DPP6: variants seen among roughly 807,000 people sequenced by gnomAD.
DPP6 encodes the protein A-type potassium channel modulatory protein DPP6.
DPP6 carries 69 observed loss-of-function variants against 122.6 expected under a neutral mutation model. The observed-to-expected ratio is 0.56, with a 90% CI of 0.46 to 0.69. The LOEUF (loss-of-function observed/expected upper bound fraction) is 0.69. Ranked by LOEUF, DPP6 falls within the 30% of genes least tolerant of loss-of-function variation. The pLI is 0.00. For missense variants in DPP6, 928 were observed against 1,116.9 expected, an observed-to-expected ratio of 0.83 and a Z score of 2.41; for synonymous variants, 418 against 433.1, an observed-to-expected ratio of 0.97 and a Z score of 0.43.
chr7:154,581,415 C>T (rs1329504752), intron 5 of DPP6, among the ~76,000 whole-genome samples: 1 of 152,124 alleles, frequency 6.6e-6, no homozygotes, highest in East Asian at 1.9e-4. Context: ...CTGCCATGGT[C>T]CTCCCCCACT....
At chr7:153,945,970 G>C (rs943340777) in intron 1 of DPP6, among the ~76,000 whole-genome samples, 1 of 152,160 alleles carries the variant, frequency 6.6e-6, no homozygotes, top group Non-Finnish European at 1.5e-5. Flanking sequence ...ACCTTCTGAG[G>C]GTTCATGAAA....
chr7:154,554,756 A>T (rs780472017), intron 4 of DPP6, among the ~76,000 whole-genome samples: 6 of 152,218 alleles, frequency 3.9e-5, no homozygotes, highest in Non-Finnish European at 8.8e-5. Flanking sequence ...TAAGTATAAA[A>T]GTTATGAGCA....
intron 1 of DPP6, among the ~76,000 whole-genome samples, chr7:154,180,929 G>T (rs1798052156): frequency 6.6e-6 from 1 of 152,116 alleles, no homozygotes; most frequent in East Asian, 1.9e-4. Context: ...GCTTTTCTTG[G>T]TCTTTAGCCT....
intron 5 of DPP6, among the ~76,000 whole-genome samples, chr7:154,637,504 G>A (rs760293961): frequency 2.0e-5 from 3 of 152,158 alleles, no homozygotes; most frequent in African/African-American, 7.2e-5. Context: ...GGTCTCCAAT[G>A]ACCAAGGTGT....
At chr7:154,245,153 A>C (rs970197601) in intron 1 of DPP6, among the ~76,000 whole-genome samples, 1 of 151,218 alleles carries the variant, frequency 6.6e-6, no homozygotes, top group Non-Finnish European at 1.5e-5. Context: ...GGGTTTCAAC[A>C]TGTTGGCCAG....
At chr7:153,763,071 G>C in the DPP6 span, among the ~76,000 whole-genome samples, 1 of 152,174 alleles carries the variant, frequency 6.6e-6, no homozygotes, top group Admixed American at 6.5e-5. Flanking sequence ...AAGGCGGAGA[G>C]CAGCAGAGAT....
In DPP6 at chr7:154,015,276, C is replaced by T. The variant is rs181668100; in HGVS notation, c.51+127542C>T. Among the ~76,000 whole-genome samples the T allele has an allele frequency of 1.9e-3, 283 of 152,180 alleles. 2 individuals carry two copies. Among genetic ancestry groups the T allele is most frequent in the East Asian group, 2.5e-3 (13 of 5,158 alleles). ...CTATCCACTCCTTTTTCCATGTCCT[C>T]GACCGGTTCTGTCTTCCCGCGTGAC... is the stretch of plus-strand genomic sequence containing the variant. On this transcript the variant is annotated intron_variant, in intron 1 of 25. Transcript: ENST00000404039.
At chr7:154,633,174 CTT>C in intron 5 of DPP6, among the ~76,000 whole-genome samples, 1 of 152,100 alleles carries the variant, frequency 6.6e-6, no homozygotes, top group Non-Finnish European at 1.5e-5. Context: ...AATTTCCAAT[CTT>C]TGTATTTTTT....
chr7:153,797,872 C>T, the DPP6 span, among the ~76,000 whole-genome samples: 7 of 152,134 alleles, frequency 4.6e-5, no homozygotes, highest in South Asian at 2.1e-4. Flanking sequence ...AATGGAGTCT[C>T]GCTCTGTCGC....
chr7:154,443,734 G>A (rs998601418), intron 1 of DPP6, among the ~76,000 whole-genome samples: 5 of 152,148 alleles, frequency 3.3e-5, no homozygotes, highest in African/African-American at 1.2e-4. Context: ...ATGGATGGAT[G>A]GATGTGGATC....
intron 1 of DPP6, among the ~76,000 whole-genome samples, chr7:154,435,604 T>A (rs943133180): frequency 6.6e-6 from 1 of 152,222 alleles, no homozygotes; most frequent in African/African-American, 2.4e-5. Flanking sequence ...GGCTCCTGGA[T>A]GATTATTGAC....
At chr7:153,762,506 C>A in the DPP6 span, among the ~76,000 whole-genome samples, 3 of 152,014 alleles carry the variant, frequency 2.0e-5, no homozygotes, top group Non-Finnish European at 4.4e-5. Context: ...CGCGGTGGCT[C>A]ACGCCTATAA....
intron 6 of DPP6, among the ~76,000 whole-genome samples, chr7:154,644,510 G>A (rs920195554): frequency 3.3e-5 from 5 of 152,112 alleles, no homozygotes; most frequent in Admixed American, 2.0e-4. Flanking sequence ...ACCCATGTTG[G>A]TTAGTGCATT....
chr7:154,383,054 C>A (rs1259431894), intron 1 of DPP6, among the ~76,000 whole-genome samples: 1 of 152,076 alleles, frequency 6.6e-6, no homozygotes, highest in Non-Finnish European at 1.5e-5. Context: ...CTCAAACCTG[C>A]CAAAACATAC....
At chr7:154,831,151 CAA>C (rs1349830951) in intron 16 of DPP6, among the ~76,000 whole-genome samples, 1 of 152,206 alleles carries the variant, frequency 6.6e-6, no homozygotes, top group African/African-American at 2.4e-5. Flanking sequence ...TCTGGAAAGA[CAA>C]AGAGACCACA....
chr7:154,805,136 A>G (rs1429792868), intron 15 of DPP6, among the ~76,000 whole-genome samples, 172 bp downstream of exon 15: 1 of 152,174 alleles, frequency 6.6e-6, no homozygotes, highest in Non-Finnish European at 1.5e-5. Flanking sequence ...GAGGCCACCA[A>G]AGGGGTAGTT....
intron 5 of DPP6, among the ~76,000 whole-genome samples, chr7:154,591,400 T>G (rs1210815571): frequency 1.3e-5 from 2 of 152,014 alleles, no homozygotes; most frequent in African/African-American, 2.4e-5. Context: ...AGGATGAGGA[T>G]GATGAAGAAG....
At chr7:154,217,060 C>T (rs1285201531) in intron 1 of DPP6, among the ~76,000 whole-genome samples, 3 of 151,938 alleles carry the variant, frequency 2.0e-5, no homozygotes, top group African/African-American at 4.8e-5. Flanking sequence ...ATTTTACGCA[C>T]AAGCCTCCAC....
At chr7:154,424,444 A>G (rs912688508) in intron 1 of DPP6, among the ~76,000 whole-genome samples, 5 of 152,138 alleles carry the variant, frequency 3.3e-5, no homozygotes, top group Admixed American at 1.3e-4. Flanking sequence ...AGGCTTCTAC[A>G]TGTCTTGGCT....
Sources: allele counts gnomAD v4.1 joint callset (sites outside exome capture counted in the v4.1 genomes callset), GRCh38; gene constraint gnomAD v4.1.1; transcripts MANE v1.5; gene names NCBI Gene and HGNC (gene_info 2026-07-23, HGNC 2026-07-21).